The following HDC variants were observed in gnomAD, a reference collection of about 807,000 sequenced individuals.
HDC encodes the protein histidine decarboxylase.
In HDC, 27 loss-of-function variants were observed where a neutral mutation model predicts 64.4. The observed-to-expected ratio is 0.42, with a 90% CI of 0.31 to 0.58. The LOEUF (loss-of-function observed/expected upper bound fraction) is 0.58. Ranked by LOEUF, HDC falls within the 20% of genes least tolerant of loss-of-function variation. HDC has a pLI of 0.16. For synonymous variants in HDC, 305 were observed against 314.2 expected, an observed-to-expected ratio of 0.97 and a Z score of 0.31; for missense variants, 711 against 833.9, an observed-to-expected ratio of 0.85 and a Z score of 1.81.
intron 9 of HDC, among the ~76,000 whole-genome samples, chr15:50,251,699 G>A (rs1448289318): frequency 6.6e-6 from 1 of 152,194 alleles, no homozygotes. Context: ...GGGCGCGGTG[G>A]CTCACGCCTG....
chr15:50,254,438 G>A (rs1425239312), intron 5 of HDC, 92 bp downstream of exon 5: 15 of 1,567,514 alleles, frequency 9.6e-6, no homozygotes, highest in Non-Finnish European at 1.2e-5. Flanking sequence ...CAGAACCCCA[G>A]CGTACTCACG....
intron 11 of HDC, 43 bp downstream of exon 11, chr15:50,243,100 C>A: frequency 6.2e-7 from 1 of 1,611,580 alleles, no homozygotes; most frequent in Non-Finnish European, 8.5e-7. Context: ...CTCTGGAGCA[C>A]CACAAGACAT....
intron 4 of HDC, among the ~76,000 whole-genome samples, chr15:50,257,207 T>G (rs1376139140): frequency 6.6e-6 from 1 of 152,178 alleles, no homozygotes; most frequent in Non-Finnish European, 1.5e-5. Flanking sequence ...ATGTGTTGGC[T>G]CTTTAATTTC....
At chr15:50,244,478 A>G (rs543266875) in intron 10 of HDC, 1 of 151,318 alleles carries the variant, frequency 6.6e-6, no homozygotes, top group African/African-American at 2.4e-5. Context: ...ACATTTTTTA[A>G]TTTTTTTGTA....
chr15:50,259,005 C>A (rs1331191872), intron 2 of HDC, among the ~76,000 whole-genome samples: 1 of 151,384 alleles, frequency 6.6e-6, no homozygotes, highest in Non-Finnish European at 1.5e-5. Flanking sequence ...CTAAAAATAC[C>A]AAAAAAATTA....
intron 1 of HDC, 21 bp from the exon 2 acceptor site, chr15:50,263,428 T>C (rs375050834): frequency 6.2e-7 from 1 of 1,613,050 alleles, no homozygotes; most frequent in African/African-American, 1.3e-5. Context: ...CATAGAGAAA[T>C]CAGGCTGAAA....
Position 50,252,788 on chromosome 15 carries a change from C to G in HDC, c.788-14G>C, listed in dbSNP as rs780660968. On this transcript the variant is annotated splice_polypyrimidine_tract_variant and intron_variant, in intron 7 of 11. Transcript: ENST00000267845. ...CCTCACGGGCACCTGAGGAGGCAAA[C>G]ATCACCTGGCCGGAGGGGAGGTATG... 6.2e-7 allele frequency: 1 copy of G among 1,608,246 alleles called. No homozygotes were observed. The highest frequency in any genetic ancestry group is 8.5e-7 in the Non-Finnish European group (1 of 1,177,506).
chr15:50,259,588 C>A (rs2045676375), intron 2 of HDC, among the ~76,000 whole-genome samples: 1 of 152,184 alleles, frequency 6.6e-6, no homozygotes, highest in Non-Finnish European at 1.5e-5. Context: ...TGTCTTTGAG[C>A]AATGCTGTGT....
intron 2 of HDC, among the ~76,000 whole-genome samples, chr15:50,262,566 C>T (rs144545728): frequency 3.9e-4 from 59 of 152,318 alleles, no homozygotes; most frequent in African/African-American, 1.3e-3. Context: ...AGCCAGCTTC[C>T]ATCAGCTTCC....
intron 2 of HDC, among the ~76,000 whole-genome samples, chr15:50,259,948 C>T (rs1009689820): frequency 1.3e-5 from 2 of 152,082 alleles, no homozygotes; most frequent in African/African-American, 2.4e-5. Flanking sequence ...GCTGTGTGAC[C>T]GTGTAGATTT....
chr15:50,255,507 G>T (rs1320334201), intron 4 of HDC, among the ~76,000 whole-genome samples: 14 of 152,062 alleles, frequency 9.2e-5, no homozygotes, highest in Non-Finnish European at 2.9e-5. Flanking sequence ...GAAGTATGTA[G>T]CATAATAATA....
At chr15:50,258,581 G>C in intron 2 of HDC, 64 bp from the exon 3 acceptor site, 1 of 940,460 alleles carries the variant, frequency 1.1e-6, no homozygotes, top group East Asian at 2.5e-5. Context: ...TCTTTCTCCA[G>C]AGACCATCTC....
At chr15:50,262,725 G>T (rs1185962917) in intron 2 of HDC, among the ~76,000 whole-genome samples, 1 of 152,162 alleles carries the variant, frequency 6.6e-6, no homozygotes. Flanking sequence ...TCAGTTTCCT[G>T]GGCCAACGCA....
At chr15:50,265,350 C>T (rs908109397) in intron 1 of HDC, among the ~76,000 whole-genome samples, 2 of 151,494 alleles carry the variant, frequency 1.3e-5, no homozygotes, top group African/African-American at 2.4e-5. Flanking sequence ...AAGCAAGGCA[C>T]GGTAGTGTGG....
Position 50,254,268 on chromosome 15 carries a change from G to A in HDC, c.582C>T (p.His194=). The change falls in exon 6 of 12, where the codon CAC becomes CAT. Residue 194 remains histidine (H), a synonymous_variant. Transcript: ENST00000267845. ...TCAAACCAGCCTTTTCCACAGAGGA[G>A]TGAGCCTAGAAGGGCCACAGAAACC... ...RLVAYASDQA[H]SSVEKAGLIS... 1 of 1,614,116 alleles carries A rather than the reference G, an allele frequency of 6.2e-7. No homozygotes were observed. The highest frequency in any genetic ancestry group is 8.5e-7 in the Non-Finnish European group (1 of 1,180,018).
intron 2 of HDC, 152 bp downstream of exon 2, chr15:50,263,083 A>C (rs923269426): frequency 7.4e-6 from 6 of 810,836 alleles, no homozygotes; most frequent in Admixed American, 1.7e-5. Flanking sequence ...TGCCCTCCAC[A>C]TGCCTAGCAG....
At position 50,248,034 on chromosome 15, in the gene HDC, A is replaced by G. The variant is rs1419400585; in HGVS notation, c.1140+211T>C. ...GGAACGGTGAGACACTCAGCAGAGG[A>G]CAGGCATCAGGCAGCCCTCAGGGCA... On this transcript the variant is annotated intron_variant, in intron 10 of 11. Transcript: ENST00000267845. This position sits in a 1 kb window ranked among gnomAD's most constrained non-coding sequence, Gnocchi z 4.3. Among the ~76,000 whole-genome samples, 1 of 152,244 alleles carries G rather than the reference A, an allele frequency of 6.6e-6. No homozygotes were observed. The highest frequency in any genetic ancestry group is 1.5e-5 in the Non-Finnish European group (1 of 68,050).
At chr15:50,257,320 T>C in intron 4 of HDC, 105 bp downstream of exon 4, 2 of 1,405,836 alleles carry the variant, frequency 1.4e-6, no homozygotes, top group Non-Finnish European at 2.0e-6. Flanking sequence ...GTGTGGGTAA[T>C]GTGGGGGAAA....
chr15:50,254,417 T>C (rs2045599409), intron 5 of HDC, 113 bp downstream of exon 5: 3 of 1,535,832 alleles, frequency 2.0e-6, no homozygotes, highest in Non-Finnish European at 2.7e-6. Flanking sequence ...AGCTCCCATG[T>C]CTGAGCTGCT....
Sources: gnomAD v4.1 joint callset for allele counts (sites outside exome capture counted in the v4.1 genomes callset) on GRCh38, gnomAD v4.1.1 for gene constraint, Gnocchi (gnomAD v3.1) non-coding constraint, MANE v1.5 for transcripts, NCBI Gene and HGNC (gene_info 2026-07-23, HGNC 2026-07-21) for gene names.